The following SLC9C1 variants were observed in gnomAD, a reference collection of about 807,000 sequenced individuals.
SLC9C1 encodes the protein solute carrier family 9 member C1, also known as sodium/hydrogen exchanger 10.
SLC9C1 carries 97 observed loss-of-function variants against 140.9 expected under a neutral mutation model. The observed-to-expected ratio is 0.69, with a 90% CI of 0.58 to 0.82. The LOEUF (loss-of-function observed/expected upper bound fraction) is 0.82, where lower values mean the gene tolerates loss of function less well. Among genes scored for constraint, SLC9C1 ranks in the 40% least tolerant of loss-of-function variants. The pLI is 0.00. For missense variants in SLC9C1, 1,340 were observed against 1,389.3 expected, an observed-to-expected ratio of 0.96 and a Z score of 0.56; for synonymous variants, 440 against 442.6, an observed-to-expected ratio of 0.99 and a Z score of 0.07.
At chr3:112,142,044 T>C (rs139239137) in intron 28 of SLC9C1, among the ~76,000 whole-genome samples, 5 of 152,304 alleles carry the variant, frequency 3.3e-5, no homozygotes, top group Admixed American at 3.3e-4. Flanking sequence ...GCCTTGGACG[T>C]TTTGTACACA....
chr3:112,207,010 A>G (rs1352059949), intron 16 of SLC9C1, among the ~76,000 whole-genome samples: 1 of 152,138 alleles, frequency 6.6e-6, no homozygotes, highest in Non-Finnish European at 1.5e-5. Context: ...TAATAATTTG[A>G]ATTTAGACAT....
intron 20 of SLC9C1, among the ~76,000 whole-genome samples, chr3:112,195,281 AT>A (rs2077745929): frequency 6.6e-6 from 1 of 152,094 alleles, no homozygotes; most frequent in South Asian, 2.1e-4. Context: ...TCATGGGTCT[AT>A]TTTGAGGTAT....
chr3:112,159,576 C>T (rs1478296530), intron 26 of SLC9C1, among the ~76,000 whole-genome samples: 1 of 152,034 alleles, frequency 6.6e-6, no homozygotes, highest in East Asian at 1.9e-4. Context: ...CTGTTAGGCT[C>T]ATTTGGTGTA....
intron 23 of SLC9C1, among the ~76,000 whole-genome samples, chr3:112,173,603 G>A (rs1248589171): frequency 6.6e-6 from 1 of 152,186 alleles, no homozygotes. Flanking sequence ...TGCTGCAAAG[G>A]ACATGATCTC....
chr3:112,155,169 T>G, intron 26 of SLC9C1, 120 bp from the exon 27 acceptor site: 4 of 740,106 alleles, frequency 5.4e-6, no homozygotes, highest in African/African-American at 1.8e-5. Flanking sequence ...GATCTGAAAT[T>G]GGTGGTAATC....
intron 10 of SLC9C1, among the ~76,000 whole-genome samples, chr3:112,252,755 G>A (rs1410483830): frequency 7.2e-5 from 11 of 152,180 alleles, no homozygotes; most frequent in Non-Finnish European, 1.5e-4. Flanking sequence ...ACCAGGGACT[G>A]GAGTGAACTG....
chr3:112,242,574 A>G (rs9847574), intron 11 of SLC9C1, among the ~76,000 whole-genome samples: 89,337 of 151,452 alleles, frequency 0.59, 26,825 homozygotes, highest in East Asian at 0.79. Context: ...TGGTTAATGC[A>G]TTCAAAAAAT....
At chr3:112,232,062 A>G (rs1165202686) in intron 12 of SLC9C1, among the ~76,000 whole-genome samples, 1 of 152,244 alleles carries the variant, frequency 6.6e-6, no homozygotes, top group Non-Finnish European at 1.5e-5. Context: ...AATTGATGAT[A>G]TGCTCAAAAT....
chr3:112,239,707 A>C, intron 12 of SLC9C1, 133 bp downstream of exon 12: 1 of 923,852 alleles, frequency 1.1e-6, no homozygotes, highest in Non-Finnish European at 1.6e-6. Context: ...CTACTTTGTT[A>C]AATAGAGTTA....
Position 112,183,349 on chromosome 3 carries a change from CTTT to C in SLC9C1, c.2524-1094_2524-1092del, listed in dbSNP as rs200437815. ...ACGACAATGATATTTAGCACCTTTT[CTTT>C]TTTTTTTTTTTTTTTTTTCAGCCAA... is the stretch of plus-strand genomic sequence containing the variant. On this transcript the variant is annotated intron_variant, in intron 20 of 28. Transcript: ENST00000305815. Among the ~76,000 whole-genome samples, 228 of 95,396 alleles carry C rather than the reference CTTT, an allele frequency of 2.4e-3. 3 individuals are homozygous for C. The highest frequency in any genetic ancestry group is 3.7e-3 in the Non-Finnish European group (188 of 50,710). The allele number at this position is 95,396 out of a possible 152,430, so 62.6% of individuals were successfully genotyped here.
chr3:112,246,896 C>CAA (rs2079301289), intron 10 of SLC9C1, among the ~76,000 whole-genome samples: 3 of 152,148 alleles, frequency 2.0e-5, no homozygotes, highest in Admixed American at 1.3e-4. Context: ...AGAATACAGA[C>CAA]AGAGACTAGA....
chr3:112,199,208 T>G, intron 20 of SLC9C1, 113 bp downstream of exon 20: 99 of 847,358 alleles, frequency 1.2e-4, no homozygotes, highest in Non-Finnish European at 1.5e-4. Flanking sequence ...TTATTTTAAG[T>G]GAGATTTTCC....
chr3:112,199,842 A>C (rs1397397008), intron 19 of SLC9C1, among the ~76,000 whole-genome samples: 1 of 151,960 alleles, frequency 6.6e-6, no homozygotes, highest in African/African-American at 2.4e-5. Context: ...ACTACAGATG[A>C]TTTTGTGATT....
intron 5 of SLC9C1, among the ~76,000 whole-genome samples, chr3:112,276,724 G>A (rs937173409): frequency 5.9e-5 from 9 of 151,946 alleles, no homozygotes; most frequent in African/African-American, 1.2e-4. Flanking sequence ...CAAATATAGC[G>A]GAGAAAAGGG....
intron 15 of SLC9C1, among the ~76,000 whole-genome samples, chr3:112,210,718 A>G (rs1312390332): frequency 2.0e-5 from 3 of 152,224 alleles, no homozygotes; most frequent in African/African-American, 7.2e-5. Context: ...TTATGTATGT[A>G]CATAAGAAAT....
rs754921439 is a variant in SLC9C1 at position 112,217,436 on chromosome 3, A to G, written c.1790+6T>C. On this transcript the variant is annotated splice_donor_region_variant and intron_variant, in intron 15 of 28. Coordinates refer to ENST00000305815, the MANE Select transcript of SLC9C1 (RefSeq NM_183061.3). ...AGCATTTCTTATAAGGTTCAAAAGCACTTACTTTGATGGGCCCTCTTTTTC... is the reference window on the plus strand; with the variant it reads ...AGCATTTCTTATAAGGTTCAAAAGCGCTTACTTTGATGGGCCCTCTTTTTC... 6.3e-7 allele frequency: 1 copy of G among 1,579,664 alleles called. No homozygotes were observed. Among genetic ancestry groups the G allele is most frequent in the Non-Finnish European group, 8.5e-7 (1 of 1,169,822 alleles).
intron 5 of SLC9C1, among the ~76,000 whole-genome samples, chr3:112,275,843 G>A (rs1264868205): frequency 4.6e-5 from 7 of 152,010 alleles, no homozygotes; most frequent in South Asian, 2.1e-4. Context: ...TATGCCCTTC[G>A]CTGTAAGACT....
intron 15 of SLC9C1, among the ~76,000 whole-genome samples, chr3:112,208,861 G>A (rs915558084): frequency 1.3e-5 from 2 of 151,970 alleles, no homozygotes; most frequent in African/African-American, 4.8e-5. Context: ...TTTTAACAAC[G>A]TATCATGAGC....
chr3:112,266,778 A>G (rs892328964), intron 7 of SLC9C1, among the ~76,000 whole-genome samples: 5 of 152,200 alleles, frequency 3.3e-5, no homozygotes, highest in Non-Finnish European at 5.9e-5. Context: ...TACTTTTATC[A>G]TATATTAAAT....
Sources: gnomAD v4.1 joint callset for allele counts (sites outside exome capture counted in the v4.1 genomes callset) on GRCh38, gnomAD v4.1.1 for gene constraint, MANE v1.5 for transcripts, NCBI Gene and HGNC (gene_info 2026-07-23, HGNC 2026-07-21) for gene names.